The following BPNT2 variants were observed in gnomAD, a reference collection of about 807,000 sequenced individuals.
BPNT2 encodes the protein Golgi-resident adenosine 3',5'-bisphosphate 3'-phosphatase.
BPNT2 carries 11 observed loss-of-function variants against 29.3 expected under a neutral mutation model. The ratio of observed to expected loss-of-function variants is 0.38; its 90% CI spans 0.24 to 0.62. The LOEUF (loss-of-function observed/expected upper bound fraction) is 0.62. Among genes scored for constraint, BPNT2 ranks in the 20% least tolerant of loss-of-function variants. The pLI is 0.62. For missense variants in BPNT2, 459 were observed against 473.4 expected, an observed-to-expected ratio of 0.97 and a Z score of 0.28; for synonymous variants, 195 against 187.7, an observed-to-expected ratio of 1.04 and a Z score of -0.32.
chr8:56,989,309 T>C (rs1340990773), intron 1 of BPNT2, among the ~76,000 whole-genome samples: 3 of 151,326 alleles, frequency 2.0e-5, no homozygotes, highest in South Asian at 2.1e-4. Flanking sequence ...GAGGCAGAGC[T>C]TGCAGTGAGC....
rs1805861036 is a variant in BPNT2 at position 56,962,838 on chromosome 8, C to T, written c.*955G>A. 6.6e-6 allele frequency: 1 copy of T among 152,096 alleles called. No individual in the cohort carries two copies. Among genetic ancestry groups the T allele is most frequent in the Non-Finnish European group, 1.5e-5 (1 of 68,008 alleles). The allele number at this position is 152,096 out of a possible 1,614,324, so 9.4% of individuals were successfully genotyped here. On this transcript the variant is annotated 3_prime_UTR_variant, in exon 5 of 5. Coordinates refer to ENST00000262644, the MANE Select transcript of BPNT2 (RefSeq NM_017813.5). ...AAAAAAAAATACTAAAACAAAGTGT[C>T]TGAAGATAATGAAAGGCAGTTCAAT...
At chr8:56,986,888 C>A (rs1806334027) in intron 1 of BPNT2, among the ~76,000 whole-genome samples, 1 of 152,126 alleles carries the variant, frequency 6.6e-6, no homozygotes, top group Non-Finnish European at 1.5e-5. Flanking sequence ...CTAAGTTGAA[C>A]CATCTTAAGT....
chr8:56,979,953 T>C, intron 2 of BPNT2, 82 bp downstream of exon 2: 1 of 1,294,258 alleles, frequency 7.7e-7, no homozygotes, highest in Non-Finnish European at 1.1e-6. Flanking sequence ...TGAGCCACTA[T>C]CACCTATAGG....
chr8:56,993,582 C>A lies in BPNT2; in HGVS notation c.4G>T (p.Ala2Ser). 1.4e-6 allele frequency: 2 copies of A among 1,436,778 alleles called. No individual in the cohort carries two copies. The highest frequency in any genetic ancestry group is 2.9e-5 in the South Asian group (2 of 68,658). 89.0% of individuals were successfully genotyped at this position (1,436,778 alleles called of 1,614,324 possible). M[A>S]PMGIRLSPLG... ...GGGGAAAGGCGGATGCCCATGGGGG[C>A]CATGGCGTGGGAAGCCGGGCGCTCC... The change falls in exon 1 of 5, where the codon GCC becomes TCC. Residue 2 changes from alanine to serine, a missense_variant. Physicochemically the swap from Ala to Ser is moderately conservative, Grantham distance 99. Transcript: ENST00000262644.
Position 56,993,206 on chromosome 8 carries a change from C to A in BPNT2, c.380G>T (p.Ser127Ile). 6.3e-7 allele frequency: 1 copy of A among 1,599,950 alleles called. No individual in the cohort carries two copies. Among genetic ancestry groups the A allele is most frequent in the Non-Finnish European group, 8.5e-7 (1 of 1,179,022 alleles). ...MFYLLKTAFP[S>I]VQINTEEHVD... is the part of the protein sequence containing the mutation. ...CCGCCCGTGGGCTCCCACCTGGACG[C>A]TGGGGAAGGCGGTCTTGAGCAGGTA... is the stretch of plus-strand genomic sequence containing the variant. Residue 127 changes from serine (S) to isoleucine (I), a missense_variant, in exon 1 of 5, where the codon AGC (serine) becomes ATC (isoleucine). Ser to Ile is a moderately radical substitution (Grantham distance 142). Transcript: ENST00000262644.
intron 1 of BPNT2, among the ~76,000 whole-genome samples, chr8:56,987,190 T>A (rs1806339454): frequency 6.6e-6 from 1 of 152,194 alleles, no homozygotes; most frequent in Admixed American, 6.5e-5. Flanking sequence ...GATCATTTAC[T>A]TCATTTCTCC....
intron 3 of BPNT2, among the ~76,000 whole-genome samples, chr8:56,973,433 G>A (rs1262069826): frequency 6.6e-6 from 1 of 152,152 alleles, no homozygotes; most frequent in Admixed American, 6.5e-5. Context: ...CACTGTTATA[G>A]AAAACCCATG....
chr8:56,982,871 A>C (rs1250896272), intron 1 of BPNT2, among the ~76,000 whole-genome samples: 1 of 152,196 alleles, frequency 6.6e-6, no homozygotes, highest in Non-Finnish European at 1.5e-5. Flanking sequence ...ATGGATAAAT[A>C]TATTTGGTAT....
chr8:56,965,094 C>A (rs764259625), intron 4 of BPNT2, among the ~76,000 whole-genome samples: 1 of 152,170 alleles, frequency 6.6e-6, no homozygotes, highest in Non-Finnish European at 1.5e-5. Flanking sequence ...CCACAGCAAG[C>A]AGACTGCCTG....
intron 3 of BPNT2, among the ~76,000 whole-genome samples, chr8:56,973,486 T>C (rs560172500): frequency 3.9e-4 from 60 of 152,282 alleles, no homozygotes; most frequent in African/African-American, 1.4e-3. Context: ...TGGAAAAAAC[T>C]GTCCAGATGT....
chr8:56,968,854 G>C (rs551102915), intron 3 of BPNT2, among the ~76,000 whole-genome samples: 2 of 152,320 alleles, frequency 1.3e-5, no homozygotes, highest in Non-Finnish European at 2.9e-5. Context: ...TTCAGATTGT[G>C]AACTCATTTG....
chr8:56,973,487 G>T (rs1806070762), intron 3 of BPNT2, among the ~76,000 whole-genome samples: 1 of 152,184 alleles, frequency 6.6e-6, no homozygotes, highest in Non-Finnish European at 1.5e-5. Flanking sequence ...GGAAAAAACT[G>T]TCCAGATGTT....
Position 56,963,696 on chromosome 8 carries a change from C to G in BPNT2, c.*97G>C. 1 of 1,418,804 alleles carries G rather than the reference C, an allele frequency of 7.0e-7. No homozygotes were observed. The highest frequency in any genetic ancestry group is 9.9e-7 in the Non-Finnish European group (1 of 1,009,764). 87.9% of individuals were successfully genotyped at this position (1,418,804 alleles called of 1,614,324 possible). ...AATACTTTAAAAAGTTCGGGATGGCCTTAACCATGCATAGTCTCCACCAAT... is the reference window on the plus strand; with the variant it reads ...AATACTTTAAAAAGTTCGGGATGGCGTTAACCATGCATAGTCTCCACCAAT... On this transcript the variant is annotated 3_prime_UTR_variant, in exon 5 of 5. Coordinates refer to ENST00000262644, the MANE Select transcript of BPNT2 (RefSeq NM_017813.5).
rs1198586190 is a variant in BPNT2, at chr8:56,963,608, A to C, written c.*185T>G. The C allele has an allele frequency of 8.1e-6, 5 of 618,248 alleles. No homozygotes were observed. Among genetic ancestry groups the C allele is most frequent in the Non-Finnish European group, 1.4e-5 (5 of 353,618 alleles). The allele number at this position is 618,248 out of a possible 1,614,324, so 38.3% of individuals were successfully genotyped here. ...AATAAAGACAATACTTGAGACACAA[A>C]GCAACCCATTTTCCCTGATTTTGCA... On this transcript the variant is annotated 3_prime_UTR_variant, in exon 5 of 5. Coordinates refer to ENST00000262644, the MANE Select transcript of BPNT2 (RefSeq NM_017813.5).
At chr8:56,981,803 TCAG>T (rs1206140323) in intron 1 of BPNT2, among the ~76,000 whole-genome samples, 11 of 152,126 alleles carry the variant, frequency 7.2e-5, no homozygotes, top group Non-Finnish European at 1.3e-4. Flanking sequence ...ACTTACACTC[TCAG>T]CAGGACAGGC....
At chr8:56,975,899 T>C (rs1033289123) in intron 3 of BPNT2, among the ~76,000 whole-genome samples, 3 of 152,298 alleles carry the variant, frequency 2.0e-5, no homozygotes, top group Admixed American at 6.5e-5. Context: ...ATTTCCTCAA[T>C]TGTAAGTGAG....
chr8:56,961,499 C>A lies in BPNT2; in HGVS notation c.*2294G>T, dbSNP rs562008042. 5.3e-5 allele frequency: 8 copies of A among 152,118 alleles called. No homozygotes were observed. Among genetic ancestry groups the A allele is most frequent in the Admixed American group, 2.0e-4 (3 of 15,288 alleles). 9.4% of individuals were successfully genotyped at this position (152,118 alleles called of 1,614,324 possible). A position where few individuals can be genotyped will look rare whatever the true frequency, so the allele number is the denominator to read the frequency against. On this transcript the variant is annotated 3_prime_UTR_variant, in exon 5 of 5. Coordinates refer to ENST00000262644, the MANE Select transcript of BPNT2 (RefSeq NM_017813.5). ...AAAAATAATGTATTTAACTCTCAAC[C>A]AATACCTTAAGTTTTGCACACAACA...
chr8:56,982,413 G>A lies in BPNT2; in HGVS notation c.388-2216C>T, dbSNP rs183305769. The stretch of plus-strand genomic sequence containing the variant: ...TGGGATTACAGGCATGAGCCACCGC[G>A]CCTGGTAAATCTTTAAATATTTCTC... On this transcript the variant is annotated intron_variant, in intron 1 of 4. Coordinates refer to ENST00000262644, the MANE Select transcript of BPNT2 (RefSeq NM_017813.5). Among the ~76,000 whole-genome samples the A allele has an allele frequency of 5.6e-3, 845 of 152,144 alleles. 6 individuals are homozygous for A. The highest frequency in any genetic ancestry group is 0.019 in the African/African-American group (774 of 41,516).
chr8:56,962,065 G>A lies in BPNT2; in HGVS notation c.*1728C>T, dbSNP rs529620716. On this transcript the variant is annotated 3_prime_UTR_variant, in exon 5 of 5. Coordinates refer to ENST00000262644, the MANE Select transcript of BPNT2 (RefSeq NM_017813.5). ...AAAGTTTCTTCAGCTTATTGCAAAG[G>A]AAAAAAATGAGGTCTCTGATACTCT... The A allele has an allele frequency of 3.3e-5, 5 of 151,918 alleles. No homozygotes were observed. The South Asian group carries it at 1.0e-3, about 32-fold the overall frequency. The allele number at this position is 151,918 out of a possible 1,614,324, so 9.4% of individuals were successfully genotyped here. A position where few individuals can be genotyped will look rare whatever the true frequency, so the allele number is the denominator to read the frequency against.
Sources: allele counts gnomAD v4.1 joint callset (sites outside exome capture counted in the v4.1 genomes callset), GRCh38; gene constraint gnomAD v4.1.1; transcripts MANE v1.5; gene names NCBI Gene and HGNC (gene_info 2026-07-23, HGNC 2026-07-21).